Variants in CDH11 observed in about 807,000 individuals in gnomAD.
CDH11 encodes cadherin 11.
In CDH11, 11 loss-of-function variants were observed where a neutral mutation model predicts 67.8. That is an observed-to-expected ratio of 0.16 (90% confidence interval 0.10 to 0.27). The LOEUF is 0.27. Among genes scored for constraint, CDH11 ranks in the 10% least tolerant of loss-of-function variants. CDH11 has a pLI of 1.00. For missense variants in CDH11, 847 were observed against 1,031.2 expected (o/e 0.82, Z 2.45); for synonymous variants, 419 against 400.0 (o/e 1.05, Z -0.57).
At chr16:65,004,557 TGTGGG>T in intron 3 of CDH11, 80 bp downstream of exon 3, 1 of 1,390,606 alleles carries the variant, frequency 7.2e-7, no homozygotes. Flanking sequence ...CTTAGATGCC[TGTGGG>T]CCTTTTGCTT....
upstream of CDH11, among the ~76,000 whole-genome samples, chr16:65,123,037 C>A (rs2075361728): frequency 6.6e-6 from 1 of 152,172 alleles, no homozygotes; most frequent in Admixed American, 6.5e-5. Context: ...ACTGACGACT[C>A]GCTACCGTGA....
intron 1 of CDH11, among the ~76,000 whole-genome samples, chr16:65,079,514 TG>T (rs1488798573): frequency 1.3e-5 from 2 of 152,214 alleles, no homozygotes; most frequent in African/African-American, 4.8e-5. Context: ...TGTGTGTTTG[TG>T]TGTGTGCGTG....
chr16:64,954,634 C>T (rs372070548), intron 11 of CDH11, among the ~76,000 whole-genome samples: 85 of 152,190 alleles, frequency 5.6e-4, no homozygotes, highest in African/African-American at 1.9e-3. Context: ...GTCTAGCAGC[C>T]TGGTTTGGCA....
chr16:64,968,984 A>T (rs2071923492), intron 11 of CDH11, among the ~76,000 whole-genome samples: 1 of 152,154 alleles, frequency 6.6e-6, no homozygotes, highest in South Asian at 2.1e-4. Context: ...GTTTTCATTA[A>T]CTGTTTGCCA....
chr16:65,115,065 G>A (rs1334805902), intron 1 of CDH11, among the ~76,000 whole-genome samples: 1 of 152,148 alleles, frequency 6.6e-6, no homozygotes, highest in Admixed American at 6.5e-5. Flanking sequence ...ATAGTAATGA[G>A]CCCCTTTTAA....
At chr16:65,008,199 T>C (rs1016338363) in intron 2 of CDH11, among the ~76,000 whole-genome samples, 7 of 152,226 alleles carry the variant, frequency 4.6e-5, no homozygotes, top group African/African-American at 1.7e-4. Context: ...TTTTTTCTTT[T>C]ATAAAAAATG....
chr16:64,982,427 T>G, intron 7 of CDH11, 126 bp from the exon 8 acceptor site: 1 of 726,468 alleles, frequency 1.4e-6, no homozygotes, highest in Non-Finnish European at 2.3e-6. Context: ...CTACTCAATT[T>G]CCAATTACCT....
At chr16:64,954,789 C>T (rs2071460973) in intron 11 of CDH11, among the ~76,000 whole-genome samples, 1 of 151,996 alleles carries the variant, frequency 6.6e-6, no homozygotes, top group Non-Finnish European at 1.5e-5. Context: ...TTCTTGTGAT[C>T]CACTCTGATC....
chr16:64,966,877 G>C (rs1217282925), intron 11 of CDH11, among the ~76,000 whole-genome samples: 2 of 152,120 alleles, frequency 1.3e-5, no homozygotes, highest in Admixed American at 6.5e-5. Flanking sequence ...ATTAATAGAT[G>C]AACAGACTTT....
intron 1 of CDH11, among the ~76,000 whole-genome samples, chr16:65,112,804 C>G (rs1567586899): frequency 6.6e-6 from 1 of 152,120 alleles, no homozygotes; most frequent in Non-Finnish European, 1.5e-5. Context: ...TATTATCAAA[C>G]AGCGTATGAA....
At chr16:65,014,654 T>A (rs1173967020) in intron 2 of CDH11, among the ~76,000 whole-genome samples, 1 of 152,044 alleles carries the variant, frequency 6.6e-6, no homozygotes, top group Non-Finnish European at 1.5e-5. Flanking sequence ...AGAGGTAATA[T>A]GGTTCCAAAC....
chr16:64,955,022 G>A (rs934967443), intron 11 of CDH11, among the ~76,000 whole-genome samples: 5 of 151,954 alleles, frequency 3.3e-5, no homozygotes, highest in Middle Eastern at 3.4e-3. Context: ...CGAGGCAGGC[G>A]GATCACGAGG....
chr16:64,979,996 T>C (rs1206604405), intron 8 of CDH11, among the ~76,000 whole-genome samples: 1 of 152,226 alleles, frequency 6.6e-6, no homozygotes, highest in Non-Finnish European at 1.5e-5. Context: ...ATTCCATTTA[T>C]ATGAAATGTC....
chr16:65,007,130 G>A lies in CDH11; in HGVS notation c.-172-2089C>T, dbSNP rs1184584043. ...CAGCAACCTAGAAAATAAAAGAATT[G>A]GTGAAATTATAATTTGTAGATACAG... On this transcript the variant is annotated intron_variant, in intron 2 of 12. Coordinates refer to ENST00000268603, the MANE Select transcript of CDH11 (RefSeq NM_001797.4). 2.6e-5 allele frequency: 4 copies of A among 152,064 alleles called. No individual in the cohort carries two copies. In the East Asian group the frequency reaches 7.7e-4, roughly 29 times the overall value. 9.4% of individuals were successfully genotyped at this position (152,064 alleles called of 1,614,324 possible).
intron 2 of CDH11, among the ~76,000 whole-genome samples, chr16:65,048,297 A>T (rs2073997585): frequency 6.6e-6 from 1 of 152,212 alleles, no homozygotes; most frequent in Non-Finnish European, 1.5e-5. Flanking sequence ...TGTTAGTATG[A>T]ATTCAAATTA....
At chr16:65,078,354 A>G (rs754605148) in intron 1 of CDH11, among the ~76,000 whole-genome samples, 1 of 152,168 alleles carries the variant, frequency 6.6e-6, no homozygotes, top group Admixed American at 6.5e-5. Flanking sequence ...TGCTTGAGAC[A>G]TGTGATACAT....
At position 64,945,901 on chromosome 16, in the gene CDH11, G is replaced by C. The variant is rs1158744678; in HGVS notation, c.*1702C>G. On this transcript the variant is annotated 3_prime_UTR_variant, in exon 13 of 13. Transcript: ENST00000268603. ...AGAAAAAGCACGTGCCCTGTGTGTA[G>C]GGGGAAAGAGGGAAAGCACTTGCAG... The C allele has an allele frequency of 9.5e-7, 1 of 1,057,726 alleles. No homozygotes were observed. Among genetic ancestry groups the C allele is most frequent in the African/African-American group, 1.6e-5 (1 of 60,646 alleles). 65.5% of individuals were successfully genotyped at this position (1,057,726 alleles called of 1,614,324 possible).
intron 7 of CDH11, chr16:64,986,973 T>C (rs1043593604): frequency 5.9e-5 from 9 of 152,202 alleles, no homozygotes; most frequent in African/African-American, 2.2e-4. Context: ...CCTCTTTAGC[T>C]ACTGGCCTCT....
At chr16:65,112,808 G>A (rs1462832371) in intron 1 of CDH11, among the ~76,000 whole-genome samples, 10 of 152,290 alleles carry the variant, frequency 6.6e-5, no homozygotes, top group East Asian at 1.9e-4. Flanking sequence ...ATCAAACAGC[G>A]TATGAAATGA....
Sources: allele counts gnomAD v4.1 joint callset (sites outside exome capture counted in the v4.1 genomes callset), GRCh38; gene constraint gnomAD v4.1.1; transcripts MANE v1.5; gene names NCBI Gene and HGNC (gene_info 2026-07-23, HGNC 2026-07-21).